Variants in LSAMP observed in about 807,000 individuals in gnomAD.
LSAMP encodes the protein limbic system-associated membrane protein.
LSAMP carries 7 observed loss-of-function variants against 38.6 expected under a neutral mutation model. That is an observed-to-expected ratio of 0.18 (90% confidence interval 0.10 to 0.34). LSAMP has a LOEUF of 0.34. Ranked by LOEUF, LSAMP falls within the 10% of genes least tolerant of loss-of-function variation. LSAMP has a pLI of 1.00. For missense variants in LSAMP, 313 were observed against 420.0 expected, an observed-to-expected ratio of 0.75 and a Z score of 2.23; for synonymous variants, 154 against 166.8, an observed-to-expected ratio of 0.92 and a Z score of 0.59.
chr3:115,954,566 GCA>G (rs565552205), intron 3 of LSAMP, among the ~76,000 whole-genome samples: 1 of 152,218 alleles, frequency 6.6e-6, no homozygotes, highest in South Asian at 2.1e-4. Context: ...ATCAGCTGCT[GCA>G]CTGAGATAGA....
intron 1 of LSAMP, among the ~76,000 whole-genome samples, chr3:116,191,248 C>T (rs563594626): frequency 3.0e-4 from 45 of 152,136 alleles, no homozygotes; most frequent in Admixed American, 2.4e-3. Context: ...ACAAACAAAA[C>T]GAATGCAAAT....
intron 3 of LSAMP, among the ~76,000 whole-genome samples, chr3:116,010,673 A>G (rs1940298285): frequency 6.6e-6 from 1 of 152,236 alleles, no homozygotes; most frequent in Non-Finnish European, 1.5e-5. Flanking sequence ...AGCACATCAG[A>G]GTAACTCAAG....
At chr3:116,113,456 C>T (rs1179455738) in intron 1 of LSAMP, among the ~76,000 whole-genome samples, 16 of 103,990 alleles carry the variant, frequency 1.5e-4, no homozygotes, top group East Asian at 1.4e-3. Flanking sequence ...GATGGAGTCT[C>T]GCTCTGTCGC....
rs1940544714 is a variant in LSAMP, at chr3:116,018,375, A to C, written c.514+1140T>G. Among the ~76,000 whole-genome samples, 4 of 152,174 alleles carry C rather than the reference A, an allele frequency of 2.6e-5. No individual in the cohort carries two copies. In the South Asian group the frequency reaches 8.3e-4, roughly 32 times the overall value. On this transcript the variant is annotated intron_variant, in intron 3 of 6. Coordinates refer to ENST00000490035, the MANE Select transcript of LSAMP (RefSeq NM_002338.5). Reference sequence around the variant, plus strand: ...TTTAAAGACATTATAAACAAATACTATCCTGGTCTTTTAGAAATGTCTCAG... The same window carrying C: ...TTTAAAGACATTATAAACAAATACTCTCCTGGTCTTTTAGAAATGTCTCAG...
intron 1 of LSAMP, among the ~76,000 whole-genome samples, chr3:116,425,520 A>G (rs781647575): frequency 1.3e-5 from 2 of 152,164 alleles, no homozygotes; most frequent in Non-Finnish European, 2.9e-5. Flanking sequence ...TTTTTCTTGG[A>G]GTTTTACCTC....
chr3:115,832,208 T>C (rs193252522), intron 6 of LSAMP, among the ~76,000 whole-genome samples: 16 of 152,178 alleles, frequency 1.1e-4, no homozygotes, highest in African/African-American at 3.9e-4. Context: ...CTTTGTGAGG[T>C]TGGAAATTAG....
At chr3:115,924,460 G>A (rs1309272669) in intron 3 of LSAMP, among the ~76,000 whole-genome samples, 1 of 152,196 alleles carries the variant, frequency 6.6e-6, no homozygotes, top group Non-Finnish European at 1.5e-5. Flanking sequence ...CAGAGAGAAT[G>A]TTTGATTGGA....
chr3:115,930,158 T>C (rs1937559257), intron 3 of LSAMP, among the ~76,000 whole-genome samples: 1 of 152,058 alleles, frequency 6.6e-6, no homozygotes, highest in Non-Finnish European at 1.5e-5. Flanking sequence ...CAGTTGGTTC[T>C]GATGCCATAA....
intron 3 of LSAMP, among the ~76,000 whole-genome samples, chr3:115,909,729 G>A (rs903525720): frequency 6.6e-6 from 1 of 152,100 alleles, no homozygotes; most frequent in Non-Finnish European, 1.5e-5. Context: ...AAAGCTTGAC[G>A]TGTTGCAAAT....
At chr3:116,190,680 A>G (rs1259217439) in intron 1 of LSAMP, among the ~76,000 whole-genome samples, 1 of 152,226 alleles carries the variant, frequency 6.6e-6, no homozygotes. Context: ...GTAATTTTGG[A>G]ATAAATGGGA....
At chr3:115,984,534 T>A (rs1183061738) in intron 3 of LSAMP, among the ~76,000 whole-genome samples, 1 of 152,174 alleles carries the variant, frequency 6.6e-6, no homozygotes, top group South Asian at 2.1e-4. Flanking sequence ...GAATGAATGA[T>A]CCTTGTCAAT....
At chr3:116,253,426 T>A (rs1164403758) in intron 1 of LSAMP, among the ~76,000 whole-genome samples, 2 of 152,220 alleles carry the variant, frequency 1.3e-5, no homozygotes, top group Non-Finnish European at 2.9e-5. Context: ...GAACATTACA[T>A]ATAGGTGATA....
intron 3 of LSAMP, among the ~76,000 whole-genome samples, chr3:115,988,673 G>A (rs1477521972): frequency 2.0e-5 from 3 of 152,010 alleles, no homozygotes; most frequent in Non-Finnish European, 4.4e-5. Context: ...GAAAATTAGC[G>A]AACTATAAAT....
intron 1 of LSAMP, among the ~76,000 whole-genome samples, chr3:116,146,671 G>A (rs987047094): frequency 6.6e-6 from 1 of 151,856 alleles, no homozygotes; most frequent in African/African-American, 2.4e-5. Flanking sequence ...TGACATGATA[G>A]TGTATATTTT....
chr3:116,252,550 A>G (rs147128099), intron 1 of LSAMP, among the ~76,000 whole-genome samples: 226 of 152,324 alleles, frequency 1.5e-3, no homozygotes, highest in African/African-American at 5.3e-3. Context: ...AAGGAACACT[A>G]TCAGCGTGAT....
At chr3:116,107,334 T>C (rs967914954) in intron 1 of LSAMP, among the ~76,000 whole-genome samples, 2 of 152,032 alleles carry the variant, frequency 1.3e-5, no homozygotes, top group African/African-American at 2.4e-5. Flanking sequence ...TTATGAAAAA[T>C]GTAGAGTGAG....
chr3:116,078,524 C>T (rs1416398273), intron 2 of LSAMP, among the ~76,000 whole-genome samples: 1 of 152,036 alleles, frequency 6.6e-6, no homozygotes, highest in Non-Finnish European at 1.5e-5. Flanking sequence ...GATGGGGTTT[C>T]ACCGTGTTAG....
At chr3:115,912,060 C>T (rs1413133573) in intron 3 of LSAMP, among the ~76,000 whole-genome samples, 1 of 152,192 alleles carries the variant, frequency 6.6e-6, no homozygotes, top group Non-Finnish European at 1.5e-5. Context: ...TACATTCTAG[C>T]TATCACTCCT....
At chr3:116,187,323 A>G (rs762138838) in intron 1 of LSAMP, among the ~76,000 whole-genome samples, 3 of 152,178 alleles carry the variant, frequency 2.0e-5, no homozygotes, top group Non-Finnish European at 4.4e-5. Context: ...CAAATTACAG[A>G]TGGTAAACCT....
Sources: allele counts gnomAD v4.1 joint callset (sites outside exome capture counted in the v4.1 genomes callset), GRCh38; gene constraint gnomAD v4.1.1; transcripts MANE v1.5; gene names NCBI Gene and HGNC (gene_info 2026-07-23, HGNC 2026-07-21).